The following ARHGAP5 variants were observed in gnomAD, a reference collection of about 807,000 sequenced individuals.
ARHGAP5 encodes Rho GTPase activating protein 5, also known as rho GTPase-activating protein 5.
A neutral mutation model predicts 116.6 loss-of-function variants in ARHGAP5; 23 were observed. The ratio of observed to expected loss-of-function variants is 0.20; its 90% confidence interval spans 0.14 to 0.28. The LOEUF (loss-of-function observed/expected upper bound fraction) is 0.28. Among genes scored for constraint, ARHGAP5 ranks in the 10% least tolerant of loss-of-function variants. The probability of loss-of-function intolerance (pLI) is 1.00; values close to 1 mark genes in which losing one functional copy is unlikely to be tolerated. For missense variants in ARHGAP5, 1,405 were observed against 1,774.8 expected (o/e 0.79, Z 3.74); for synonymous variants, 574 against 602.0 (o/e 0.95, Z 0.68).
chr14:32,135,337 A>G (rs528618918), intron 3 of ARHGAP5, among the ~76,000 whole-genome samples: 1 of 152,360 alleles, frequency 6.6e-6, no homozygotes, highest in South Asian at 2.1e-4. Context: ...GGCCAGAACC[A>G]GGAAGTGTTC....
At chr14:32,135,752 C>A (rs914400413) in intron 3 of ARHGAP5, among the ~76,000 whole-genome samples, 1 of 152,218 alleles carries the variant, frequency 6.6e-6, no homozygotes, top group Non-Finnish European at 1.5e-5. Context: ...TAACCACATG[C>A]TAAGCCTAAC....
intron 3 of ARHGAP5, among the ~76,000 whole-genome samples, chr14:32,129,015 A>G (rs1204390661): frequency 6.6e-6 from 1 of 152,090 alleles, no homozygotes; most frequent in Non-Finnish European, 1.5e-5. Context: ...TTTTTTCTGC[A>G]TTTTTAGTTT....
intron 2 of ARHGAP5, among the ~76,000 whole-genome samples, chr14:32,099,307 C>T (rs1878683311): frequency 2.6e-5 from 4 of 152,016 alleles, no homozygotes; most frequent in Non-Finnish European, 2.9e-5. Flanking sequence ...TAGGAAGTTA[C>T]GGGTCATCGG....
intron 2 of ARHGAP5, among the ~76,000 whole-genome samples, chr14:32,100,695 C>A (rs1436754073): frequency 6.6e-6 from 1 of 152,122 alleles, no homozygotes; most frequent in Non-Finnish European, 1.5e-5. Context: ...GAAAGCAATG[C>A]CCTTCAGATG....
rs781595022 is a variant in ARHGAP5, at chr14:32,092,177, A to G, written c.1508A>G (p.Asp503Gly). 1.2e-6 allele frequency: 2 copies of G among 1,613,736 alleles called. No homozygotes were observed. The highest frequency in any genetic ancestry group is 1.7e-6 in the Non-Finnish European group (2 of 1,179,768). Reference sequence around the variant, plus strand: ...TTTGAGCATTCTGAACTTTTTTATGATTTAGATCTTAATGCAACACCTAGT... The same window carrying G: ...TTTGAGCATTCTGAACTTTTTTATGGTTTAGATCTTAATGCAACACCTAGT... ...MLFEHSELFY[D>G]LDLNATPSSD... is the part of the protein sequence containing the mutation. The change falls in exon 2 of 7, where the codon GAT becomes GGT. Residue 503 changes from aspartate to glycine, a missense_variant. Coordinates refer to ENST00000345122, the MANE Select transcript of ARHGAP5 (RefSeq NM_001030055.2). The surrounding 1 kb of genome is among the most constrained non-coding windows in gnomAD (Gnocchi z 4.1).
chr14:32,143,043 A>G (rs567414522), intron 3 of ARHGAP5, among the ~76,000 whole-genome samples: 278 of 152,314 alleles, frequency 1.8e-3, no homozygotes, highest in African/African-American at 6.4e-3. Flanking sequence ...GTAGGGGAAC[A>G]GGCAGTGAAA....
chr14:32,118,790 A>T (rs996560883), intron 3 of ARHGAP5, among the ~76,000 whole-genome samples: 1 of 152,206 alleles, frequency 6.6e-6, no homozygotes, highest in Non-Finnish European at 1.5e-5. Flanking sequence ...AAGCCTATGG[A>T]TACAACTGAA....
intron 3 of ARHGAP5, among the ~76,000 whole-genome samples, chr14:32,130,586 T>TC: frequency 6.6e-6 from 1 of 151,038 alleles, no homozygotes; most frequent in South Asian, 2.1e-4. Context: ...TGTCGCCCAG[T>TC]CTGGAGTGCA....
chr14:32,152,121 G>A (rs1225205144), intron 5 of ARHGAP5, among the ~76,000 whole-genome samples: 4 of 152,104 alleles, frequency 2.6e-5, no homozygotes, highest in Non-Finnish European at 1.5e-5. Flanking sequence ...TGTGAACCAC[G>A]CATGCAGGGG....
rs573247522 is a variant in ARHGAP5 at position 32,125,183 on chromosome 14, A to C, written c.3865+7896A>C. On this transcript the variant is annotated intron_variant, in intron 3 of 6. Transcript: ENST00000345122. ...TTATTTCTTATTTCCCCACTACTCCAGTCCCTGGCAGTAACCAATCTGCTT... is the reference window on the plus strand; with the variant it reads ...TTATTTCTTATTTCCCCACTACTCCCGTCCCTGGCAGTAACCAATCTGCTT... Among the ~76,000 whole-genome samples, 4 of 152,298 alleles carry C rather than the reference A, an allele frequency of 2.6e-5. No individual in the cohort carries two copies. The South Asian group carries it at 8.3e-4, about 32-fold the overall frequency.
At chr14:32,145,703 A>T (rs371010919) in intron 3 of ARHGAP5, among the ~76,000 whole-genome samples, 123 of 152,178 alleles carry the variant, frequency 8.1e-4, no homozygotes, top group African/African-American at 2.8e-3. Flanking sequence ...TTTACATGTT[A>T]GATTCAGGGT....
intron 3 of ARHGAP5, among the ~76,000 whole-genome samples, chr14:32,126,145 A>G (rs1007643572): frequency 6.6e-6 from 1 of 152,194 alleles, no homozygotes; most frequent in African/African-American, 2.4e-5. Flanking sequence ...AGTTGTGAAA[A>G]GAGCACACGC....
At chr14:32,112,591 G>T (rs868652149) in intron 2 of ARHGAP5, among the ~76,000 whole-genome samples, 1 of 152,150 alleles carries the variant, frequency 6.6e-6, no homozygotes, top group African/African-American at 2.4e-5. Flanking sequence ...TTGGATTTTC[G>T]GTAGGGCGCG....
chr14:32,112,827 C>T (rs1382164513), intron 2 of ARHGAP5, among the ~76,000 whole-genome samples: 1 of 151,522 alleles, frequency 6.6e-6, no homozygotes, highest in Admixed American at 6.6e-5. Context: ...GCAGAGATGG[C>T]GCCACTGCAC....
In ARHGAP5 at chr14:32,089,215, ATTAG is replaced by A. The variant is rs1379041530; in HGVS notation, c.-168-1281_-168-1278del. On this transcript the variant is annotated intron_variant, in intron 1 of 6. Coordinates refer to ENST00000345122, the MANE Select transcript of ARHGAP5 (RefSeq NM_001030055.2). Reference sequence around the variant, plus strand: ...ATTATGAGCACAGTTTATCTTCACCATTAGTTAGTGTAACATATGTTCGGTGTAA... The same window carrying A: ...ATTATGAGCACAGTTTATCTTCACCATTAGTGTAACATATGTTCGGTGTAA... Among the ~76,000 whole-genome samples the A allele has an allele frequency of 8.5e-5, 13 of 152,108 alleles. 1 individual carries two copies. Among genetic ancestry groups the A allele is most frequent in the South Asian group, 4.1e-4 (2 of 4,832 alleles).
In ARHGAP5 at chr14:32,085,222, G is replaced by A. The variant is rs544826306; in HGVS notation, c.-168-5280G>A. Among the ~76,000 whole-genome samples the A allele has an allele frequency of 1.1e-3, 169 of 152,214 alleles. 1 individual carries two copies. The highest frequency in any genetic ancestry group is 3.4e-3 in the Middle Eastern group (1 of 294). ...ATACCTTGGGAGGCTGATGGAAGAGGATTGCTTGAGCCCAGGAGTTTGAGA... is the reference window on the plus strand; with the variant it reads ...ATACCTTGGGAGGCTGATGGAAGAGAATTGCTTGAGCCCAGGAGTTTGAGA... On this transcript the variant is annotated intron_variant, in intron 1 of 6. Transcript: ENST00000345122.
In ARHGAP5 at chr14:32,152,406, CTG is replaced by C. The variant is rs751795605; in HGVS notation, c.4076-15_4076-14del. 10 of 1,507,634 alleles carry C rather than the reference CTG, an allele frequency of 6.6e-6. No individual in the cohort carries two copies. The South Asian group carries it at 1.2e-4, about 18-fold the overall frequency. 93.4% of individuals were successfully genotyped at this position (1,507,634 alleles called of 1,614,324 possible). On this transcript the variant is annotated splice_polypyrimidine_tract_variant and intron_variant, in intron 5 of 6. Transcript: ENST00000345122. Reference sequence around the variant, plus strand: ...GTGTAAGTTTTACACAGATTCTTCACTGTTTTAATTTTACAGAAATCCCGGAT... The same window carrying C: ...GTGTAAGTTTTACACAGATTCTTCACTTTTAATTTTACAGAAATCCCGGAT...
At position 32,093,499 on chromosome 14, in the gene ARHGAP5, A is replaced by G. The variant is rs756932114; in HGVS notation, c.2830A>G (p.Met944Val). Residue 944 changes from methionine to valine, a missense_variant, in exon 2 of 7, where the codon ATG becomes GTG. Met to Val is a conservative substitution (Grantham distance 21, BLOSUM62 1). This residue lies in a region of ARHGAP5 where 944 missense variants were observed against 1,095.3 expected (regional missense o/e 0.86). Transcript: ENST00000345122. ...FFSDVLEKKN[M>V]IENSYLSDNT... ...TAGTGATGTTCTAGAGAAAAAAAAT[A>G]TGATAGAAAATTCTTATTTGTCTGA... 2.2e-4 allele frequency: 356 copies of G among 1,612,314 alleles called. No individual in the cohort carries two copies. Among genetic ancestry groups the G allele is most frequent in the Non-Finnish European group, 3.0e-4 (349 of 1,179,534 alleles).
chr14:32,135,094 G>C (rs1384040006), intron 3 of ARHGAP5, among the ~76,000 whole-genome samples: 1 of 152,178 alleles, frequency 6.6e-6, no homozygotes, highest in African/African-American at 2.4e-5. Flanking sequence ...GGAAGACTCA[G>C]TATATAGCAT....
Sources: gnomAD v4.1 joint callset for allele counts (sites outside exome capture counted in the v4.1 genomes callset) on GRCh38, gnomAD v4.1.1 for gene constraint, gnomAD v4.1.1 regional missense constraint, Gnocchi (gnomAD v3.1) non-coding constraint, MANE v1.5 for transcripts, NCBI Gene and HGNC (gene_info 2026-07-23, HGNC 2026-07-21) for gene names.